MKI67: variants seen among roughly 807,000 people sequenced by gnomAD.
MKI67 encodes the protein marker of proliferation Ki-67, also known as proliferation marker protein Ki-67.
Under a neutral mutation model 233.5 loss-of-function variants are expected in MKI67, and 152 were observed. The observed-to-expected ratio is 0.65, with a 90% CI of 0.57 to 0.74. The LOEUF (loss-of-function observed/expected upper bound fraction) is 0.74. MKI67 is among the 30% of genes least tolerant of loss of function. The pLI, the probability that MKI67 is intolerant of heterozygous loss-of-function variation, is 0.00. For synonymous variants in MKI67, 1,465 were observed against 1,418.5 expected (o/e 1.03, Z -0.74); for missense variants, 3,940 against 3,885.2 (o/e 1.01, Z -0.37).
rs555188003 is a variant in MKI67 at position 128,117,525 on chromosome 10, A to G, written c.355-989T>C. 1.7e-4 allele frequency among the ~76,000 whole-genome samples: 26 copies of G among 152,390 alleles called. 1 individual carries two copies. The East Asian group carries it at 4.6e-3, about 27-fold the overall frequency. On this transcript the variant is annotated intron_variant, in intron 5 of 14. Transcript: ENST00000368654. ...GGAAGAACTAAAGAATAACATATATATATAACTTTTATAAAAGTCTGATGC... is the reference window on the plus strand; with the variant it reads ...GGAAGAACTAAAGAATAACATATATGTATAACTTTTATAAAAGTCTGATGC...
chr10:128,107,140 TTC>T lies in MKI67; in HGVS notation c.4698_4699del (p.Asn1567LeufsTer12). On this transcript the variant is annotated frameshift_variant, in exon 13 of 15. Coordinates refer to ENST00000368654, the MANE Select transcript of MKI67 (RefSeq NM_002417.5). LOFTEE classifies it high-confidence loss of function. ...TAGCCGTCTCTTGCTGCCAGTTAAG[TTC>T]TCTGTCAGGTCCAGTTTCTGCACTG... The T allele has an allele frequency of 6.2e-7, 1 of 1,613,660 alleles. No individual in the cohort carries two copies. The highest frequency in any genetic ancestry group is 8.5e-7 in the Non-Finnish European group (1 of 1,179,944).
chr10:128,108,570 T>G lies in MKI67; in HGVS notation c.3270A>C (p.Arg1090Ser). ...ARVTGMKKWP[R>S]TPKEEAQSLE... ...GTGACTGGGCCTCTTCCTTAGGCGT[T>G]CTTGGCCACTTCTTCATTCCAGTTA... The change falls in exon 13 of 15, where the codon AGA becomes AGC. Residue 1090 changes from arginine to serine, a missense_variant. Physicochemically the swap from Arg to Ser is moderately radical, Grantham distance 110. Coordinates refer to ENST00000368654, the MANE Select transcript of MKI67 (RefSeq NM_002417.5). The G allele has an allele frequency of 6.2e-7, 1 of 1,614,196 alleles. No homozygotes were observed. Among genetic ancestry groups the G allele is most frequent in the Non-Finnish European group, 8.5e-7 (1 of 1,180,036 alleles).
At position 128,105,378 on chromosome 10, in the gene MKI67, A is replaced by G. The variant is rs754965063; in HGVS notation, c.6462T>C (p.Asp2154=). ...THTDKVPGDE[D]KGINVFRETA... ...TTTCCCTGAACACGTTGATGCCTTT[A>G]TCCTCATCTCCTGGTACTTTGTCTG... The change falls in exon 13 of 15, where the codon GAT becomes GAC. Residue 2154 remains aspartate, a synonymous_variant. Coordinates refer to ENST00000368654, the MANE Select transcript of MKI67 (RefSeq NM_002417.5). 17 of 1,613,772 alleles carry G rather than the reference A, an allele frequency of 1.1e-5. No homozygotes were observed. In the South Asian group the frequency reaches 1.8e-4, roughly 17 times the overall value.
In MKI67 at chr10:128,110,784, T is replaced by G. The variant is rs143288540; in HGVS notation, c.2261-251A>C. On this transcript the variant is annotated intron_variant, in intron 11 of 14. Transcript: ENST00000368654. ...TGGAAAGGAAACAAATGAAGTTAGCTGACCTCTGGGTCCTCCTAACAAGAC... is the reference window on the plus strand; with the variant it reads ...TGGAAAGGAAACAAATGAAGTTAGCGGACCTCTGGGTCCTCCTAACAAGAC... Among the ~76,000 whole-genome samples, 1,077 of 152,348 alleles carry G rather than the reference T, an allele frequency of 7.1e-3. 18 individuals are homozygous for G. Among genetic ancestry groups the G allele is most frequent in the African/African-American group, 0.024 (1,006 of 41,572 alleles).
chr10:128,118,022 G>A (rs1234770925), intron 5 of MKI67, among the ~76,000 whole-genome samples: 1 of 152,214 alleles, frequency 6.6e-6, no homozygotes, highest in Non-Finnish European at 1.5e-5. Flanking sequence ...GGATGCCTCA[G>A]AAACTGGCTT....
intron 13 of MKI67, 60 bp downstream of exon 13, chr10:128,102,519 A>G: frequency 6.4e-7 from 1 of 1,567,522 alleles, no homozygotes; most frequent in Non-Finnish European, 8.6e-7. Flanking sequence ...GCAAAGTATA[A>G]CACAGAAATT....
intron 5 of MKI67, among the ~76,000 whole-genome samples, chr10:128,118,687 G>A (rs868359605): frequency 3.3e-5 from 5 of 152,102 alleles, no homozygotes; most frequent in South Asian, 2.1e-4. Flanking sequence ...TGCGAAGCAC[G>A]TGTCGACAAT....
intron 2 of MKI67, among the ~76,000 whole-genome samples, chr10:128,123,877 CA>C (rs1318265904): frequency 3.9e-5 from 6 of 152,202 alleles, no homozygotes; most frequent in African/African-American, 1.4e-4. Context: ...GCAGAAGAGA[CA>C]ATTCCTAAAC....
chr10:128,125,496 G>A lies in MKI67; in HGVS notation c.92+80C>T, dbSNP rs1024093730. On this transcript the variant is annotated intron_variant, in intron 2 of 14. Coordinates refer to ENST00000368654, the MANE Select transcript of MKI67 (RefSeq NM_002417.5). The surrounding 1 kb of genome is among the most constrained non-coding windows in gnomAD (Gnocchi z 5.3). Reference sequence around the variant, plus strand: ...TGACGGCAGGACCCAATCCTAGAGCGCGTTTCTGGACTTTATTCTGTGACT... The same window carrying A: ...TGACGGCAGGACCCAATCCTAGAGCACGTTTCTGGACTTTATTCTGTGACT... 1.1e-5 allele frequency: 12 copies of A among 1,082,738 alleles called. No individual in the cohort carries two copies. The Admixed American group carries it at 1.8e-4, about 16-fold the overall frequency. The allele number at this position is 1,082,738 out of a possible 1,614,324, so 67.1% of individuals were successfully genotyped here.
chr10:128,118,388 T>C (rs1590316550), intron 5 of MKI67, among the ~76,000 whole-genome samples: 1 of 129,382 alleles, frequency 7.7e-6, no homozygotes, highest in East Asian at 2.2e-4. Flanking sequence ...GGAGTGAGAC[T>C]CCGTCTCAGA....
Position 128,111,637 on chromosome 10 carries a change from G to A in MKI67, c.2260+8C>T, listed in dbSNP as rs370764558. ...AAAGATTTATAAGATCTAAGACTAC[G>A]TTTTTACCTGAAAGATCTTCCTTAA... On this transcript the variant is annotated splice_region_variant and intron_variant, in intron 11 of 14. Transcript: ENST00000368654. 4.6e-5 allele frequency: 74 copies of A among 1,607,344 alleles called. No individual in the cohort carries two copies. The highest frequency in any genetic ancestry group is 5.6e-5 in the Non-Finnish European group (66 of 1,177,146).
rs773221063 is a variant in MKI67 at position 128,115,161 on chromosome 10, T to C, written c.1247A>G (p.Glu416Gly). ...EDAADSATKPENLSSKTRGSI... is the reference protein window; with the variant it reads ...EDAADSATKPGNLSSKTRGSI... ...TCCTCTGGTTTTGGAAGAGAGATTT[T>C]CTGGCTTAGTGGCAGAGTCAGCTGC... The change falls in exon 7 of 15, where the codon GAA becomes GGA. Residue 416 changes from glutamate to glycine, a missense_variant. Transcript: ENST00000368654. The C allele has an allele frequency of 5.6e-6, 9 of 1,614,128 alleles. No individual in the cohort carries two copies. Among genetic ancestry groups the C allele is most frequent in the African/African-American group, 1.3e-5 (1 of 74,942 alleles).
At position 128,113,530 on chromosome 10, in the gene MKI67, T is replaced by C; in HGVS notation, c.1553A>G (p.Asp518Gly). 6.2e-7 allele frequency: 1 copy of C among 1,614,158 alleles called. No homozygotes were observed. Among genetic ancestry groups the C allele is most frequent in the Non-Finnish European group, 8.5e-7 (1 of 1,180,034 alleles). ...AGGCGTATTAGGAGGCAAGTTTTCA[T>C]CAAATAGTTCAGGTCTTAGGTGCCC... ...FGGHLRPELFDENLPPNTPLK... is the reference protein window; with the variant it reads ...FGGHLRPELFGENLPPNTPLK... Residue 518 changes from aspartate (D) to glycine (G), a missense_variant, in exon 8 of 15, where the codon GAT (aspartate) becomes GGT (glycine). Transcript: ENST00000368654.
At chr10:128,114,170 C>A (rs535163557) in intron 7 of MKI67, among the ~76,000 whole-genome samples, 12 of 152,296 alleles carry the variant, frequency 7.9e-5, no homozygotes, top group African/African-American at 2.9e-4. Context: ...CATGCCCCAC[C>A]GCTATAGGCC....
chr10:128,113,483 T>G lies in MKI67; in HGVS notation c.1600A>C (p.Thr534Pro). The G allele has an allele frequency of 1.2e-6, 2 of 1,614,220 alleles. No individual in the cohort carries two copies. The highest frequency in any genetic ancestry group is 2.2e-5 in the East Asian group (1 of 44,884). Reference sequence around the variant, plus strand: ...TGCATTACCAGAGACTTTCTTTTGGTTGGGGCTTCTCCCCTTTTGAGAGGC... The same window carrying G: ...TGCATTACCAGAGACTTTCTTTTGGGTGGGGCTTCTCCCCTTTTGAGAGGC... Reference protein sequence around the residue: ...NTPLKRGEAPTKRKSLVMHTP... With the variant: ...NTPLKRGEAPPKRKSLVMHTP... Residue 534 changes from threonine to proline, a missense_variant, in exon 8 of 15, where the codon ACC becomes CCC. Physicochemically the swap from Thr to Pro is conservative, Grantham distance 38. Transcript: ENST00000368654.
In MKI67 at chr10:128,103,269, T is replaced by G. The variant is rs544180155; in HGVS notation, c.8571A>C (p.Ala2857=). The part of the protein sequence containing the change: ...QKVEVKEELL[A]VGKLTQTSGE... ...CTGAGGTTTGTGTGAGCTTGCCAAC[T>G]GCTAACAGCTCCTCCTTCACTTCTA... The change falls in exon 13 of 15, where the codon GCA becomes GCC. Residue 2857 remains alanine (A), a synonymous_variant. Coordinates refer to ENST00000368654, the MANE Select transcript of MKI67 (RefSeq NM_002417.5). 3.5e-5 allele frequency: 56 copies of G among 1,614,062 alleles called. No homozygotes were observed. The highest frequency in any genetic ancestry group is 3.3e-4 in the Middle Eastern group (2 of 6,084).
chr10:128,115,361 T>C lies in MKI67; in HGVS notation c.1047A>G (p.Val349=). Residue 349 remains valine (V), a synonymous_variant, in exon 7 of 15, where the codon GTA becomes GTG. Coordinates refer to ENST00000368654, the MANE Select transcript of MKI67 (RefSeq NM_002417.5). ...GAGAATTTTGTTGCTGTGAATATTG[T>C]ACAGGGGTCTTCATTTTAGCCGGCT... The part of the protein sequence containing the change: ...LYEPAKMKTP[V]QYSQQQNSPQ... The C allele has an allele frequency of 6.2e-7, 1 of 1,614,232 alleles. No individual in the cohort carries two copies. The highest frequency in any genetic ancestry group is 8.5e-7 in the Non-Finnish European group (1 of 1,180,046).
chr10:128,100,738 C>T (rs1361853324), intron 14 of MKI67, among the ~76,000 whole-genome samples: 1 of 152,174 alleles, frequency 6.6e-6, no homozygotes, highest in Non-Finnish European at 1.5e-5. Context: ...TAGTCTCTGG[C>T]TGGAGGAGGG....
chr10:128,117,344 C>T (rs1852829878), intron 5 of MKI67, among the ~76,000 whole-genome samples: 1 of 152,198 alleles, frequency 6.6e-6, no homozygotes, highest in Admixed American at 6.5e-5. Flanking sequence ...GATCTGAGAG[C>T]CTAGATTCAC....
Sources: allele counts gnomAD v4.1 joint callset (sites outside exome capture counted in the v4.1 genomes callset), GRCh38; gene constraint gnomAD v4.1.1; non-coding constraint Gnocchi (gnomAD v3.1); transcripts MANE v1.5; gene names NCBI Gene and HGNC (gene_info 2026-07-23, HGNC 2026-07-21).